The following ATRNL1 variants were observed in gnomAD, a reference collection of about 807,000 sequenced individuals.
The protein encoded by ATRNL1 is attractin-like protein 1.
Under a neutral mutation model 182.7 loss-of-function variants are expected in ATRNL1, and 95 were observed. The ratio of observed to expected loss-of-function variants is 0.52; its 90% CI spans 0.44 to 0.62. ATRNL1 has a LOEUF of 0.62. Ranked by LOEUF, ATRNL1 falls within the 20% of genes least tolerant of loss-of-function variation. The pLI is 0.00. For synonymous variants in ATRNL1, 576 were observed against 568.3 expected, an observed-to-expected ratio of 1.01 and a Z score of -0.19; for missense variants, 1,471 against 1,679.5, an observed-to-expected ratio of 0.88 and a Z score of 2.17.
At chr10:115,481,510 T>C (rs1362152620) in intron 24 of ATRNL1, among the ~76,000 whole-genome samples, 1 of 150,832 alleles carries the variant, frequency 6.6e-6, no homozygotes, top group Admixed American at 6.6e-5. Flanking sequence ...ATCTAAATTT[T>C]TATAAATGAA....
intron 10 of ATRNL1, among the ~76,000 whole-genome samples, chr10:115,261,035 A>C (rs902290913): frequency 2.6e-5 from 4 of 152,134 alleles, no homozygotes; most frequent in African/African-American, 9.6e-5. Flanking sequence ...CAGAAAAATA[A>C]ATACAAAAGA....
chr10:115,514,631 C>G (rs1043052887), intron 24 of ATRNL1, among the ~76,000 whole-genome samples: 1 of 151,794 alleles, frequency 6.6e-6, no homozygotes, highest in Non-Finnish European at 1.5e-5. Context: ...TCATGTGCTT[C>G]ATCAATTTAA....
At chr10:115,096,744 T>G (rs1554863250) in intron 1 of ATRNL1, 2 of 1,283,522 alleles carry the variant, frequency 1.6e-6, no homozygotes, top group Admixed American at 4.7e-5. Flanking sequence ...GTATCAAAAG[T>G]GGTACTTCAG....
At chr10:115,129,199 AT>A (rs1376478997) in intron 4 of ATRNL1, 127 bp from the exon 5 acceptor site, 1 of 653,598 alleles carries the variant, frequency 1.5e-6, no homozygotes, top group Non-Finnish European at 2.6e-6. Context: ...TTAAAACTAC[AT>A]TGTGAAATTC....
At chr10:115,238,823 C>G (rs1850291145) in intron 9 of ATRNL1, among the ~76,000 whole-genome samples, 1 of 152,068 alleles carries the variant, frequency 6.6e-6, no homozygotes, top group Non-Finnish European at 1.5e-5. Flanking sequence ...TGCCTTATTC[C>G]TTTTCTTGGA....
rs17093623 is a variant in ATRNL1 at position 115,806,062 on chromosome 10, C to T, written c.3904-41815C>T. On this transcript the variant is annotated intron_variant, in intron 27 of 28. Transcript: ENST00000355044. ...TTGCTTTATTGATTGTGGGTAATAA[C>T]CTGTAGATGGGAATATAGTGGAATA... Among the ~76,000 whole-genome samples the T allele has an allele frequency of 1.6e-4, 24 of 152,024 alleles. No individual in the cohort carries two copies. In the East Asian group the frequency reaches 3.9e-3, roughly 24 times the overall value.
chr10:115,093,889 G>A lies in ATRNL1; in HGVS notation c.139G>A (p.Gly47Ser). ...CGGGAACAGCTGGCTGCTGTGCTAT[G>A]GCTTCCTCTACCTGGCGCTCTACGC... ...LDGNSWLLCY[G>S]FLYLALYAQV... is the part of the protein sequence containing the mutation. Residue 47 changes from glycine (G) to serine (S), a missense_variant, in exon 1 of 29, where the codon GGC becomes AGC. Transcript: ENST00000355044. The surrounding 1 kb of genome is among the most constrained non-coding windows in gnomAD (Gnocchi z 6.1). The A allele has an allele frequency of 6.3e-7, 1 of 1,595,488 alleles. No homozygotes were observed. Among genetic ancestry groups the A allele is most frequent in the Non-Finnish European group, 8.5e-7 (1 of 1,173,036 alleles).
At chr10:115,821,071 T>C (rs530857691) in intron 27 of ATRNL1, among the ~76,000 whole-genome samples, 3 of 152,234 alleles carry the variant, frequency 2.0e-5, no homozygotes, top group South Asian at 2.1e-4. Flanking sequence ...CTCTCTCACC[T>C]TCCACCATGA....
chr10:115,899,159 A>AGGTGTTCTCATTGTTCAATTCCCATCTAT (rs1477034685), intron 28 of ATRNL1, among the ~76,000 whole-genome samples: 3 of 152,034 alleles, frequency 2.0e-5, no homozygotes, highest in Non-Finnish European at 4.4e-5. Flanking sequence ...TCCTGTGTCC[A>AGGTGTTCTCATTGTTCAATTCCCATCTAT]GGTGTTCTCA....
chr10:115,559,907 G>A (rs1853590063), intron 26 of ATRNL1, among the ~76,000 whole-genome samples: 1 of 152,032 alleles, frequency 6.6e-6, no homozygotes, highest in African/African-American at 2.4e-5. Context: ...GCAAAGAAAT[G>A]ACATAAGAGC....
intron 5 of ATRNL1, among the ~76,000 whole-genome samples, chr10:115,138,515 G>T (rs782209362): frequency 2.0e-5 from 3 of 152,208 alleles, no homozygotes; most frequent in Non-Finnish European, 4.4e-5. Context: ...TGTACCTGAA[G>T]GCTCAACACC....
At chr10:115,402,005 CA>C (rs1554957116) in intron 20 of ATRNL1, among the ~76,000 whole-genome samples, 5 of 152,184 alleles carry the variant, frequency 3.3e-5, no homozygotes, top group Admixed American at 3.3e-4. Context: ...AGAGGTATCT[CA>C]AATATTCTCC....
intron 24 of ATRNL1, among the ~76,000 whole-genome samples, chr10:115,478,866 A>G (rs1206146555): frequency 6.6e-6 from 1 of 151,658 alleles, no homozygotes; most frequent in Non-Finnish European, 1.5e-5. Context: ...AATTTATGTT[A>G]TCAAATATGT....
chr10:115,225,631 A>G (rs1202246468), intron 9 of ATRNL1, among the ~76,000 whole-genome samples: 3 of 150,996 alleles, frequency 2.0e-5, no homozygotes, highest in Non-Finnish European at 4.4e-5. Flanking sequence ...CACTGTCAGA[A>G]CATTAATAAC....
chr10:115,829,931 A>G (rs1211141971), intron 27 of ATRNL1, among the ~76,000 whole-genome samples: 1 of 152,208 alleles, frequency 6.6e-6, no homozygotes, highest in African/African-American at 2.4e-5. Context: ...ACTCATCTTT[A>G]TCTTGGTGTG....
intron 27 of ATRNL1, among the ~76,000 whole-genome samples, chr10:115,837,380 C>T (rs1327422529): frequency 4.0e-5 from 6 of 151,632 alleles, no homozygotes; most frequent in Admixed American, 3.9e-4. Context: ...TCATTTTTCC[C>T]TCTTACCTGA....
At chr10:115,358,133 T>A (rs1192693385) in intron 19 of ATRNL1, among the ~76,000 whole-genome samples, 1 of 151,678 alleles carries the variant, frequency 6.6e-6, no homozygotes, top group Non-Finnish European at 1.5e-5. Flanking sequence ...TGACATGATA[T>A]AAGTTCTCAT....
intron 28 of ATRNL1, among the ~76,000 whole-genome samples, chr10:115,863,579 G>A (rs1951366032): frequency 6.6e-6 from 1 of 152,158 alleles, no homozygotes; most frequent in Admixed American, 6.5e-5. Flanking sequence ...TGTGGCATTG[G>A]GTTGGAATTA....
chr10:115,372,938 T>C (rs961425017), intron 19 of ATRNL1, among the ~76,000 whole-genome samples: 1 of 152,170 alleles, frequency 6.6e-6, no homozygotes, highest in African/African-American at 2.4e-5. Flanking sequence ...GATTGCATTA[T>C]ACCAGTAGAT....
Sources: allele counts gnomAD v4.1 joint callset (sites outside exome capture counted in the v4.1 genomes callset), GRCh38; gene constraint gnomAD v4.1.1; non-coding constraint Gnocchi (gnomAD v3.1); transcripts MANE v1.5; gene names NCBI Gene and HGNC (gene_info 2026-07-23, HGNC 2026-07-21).